FAM117B: variants seen among roughly 807,000 people sequenced by gnomAD.
FAM117B encodes protein FAM117B.
In FAM117B, 22 loss-of-function variants were observed where a neutral mutation model predicts 52.8. The observed-to-expected ratio is 0.42, with a 90% confidence interval of 0.30 to 0.59. The LOEUF (loss-of-function observed/expected upper bound fraction) is 0.59, where lower values mean the gene tolerates loss of function less well. Ranked by LOEUF, FAM117B falls within the 20% of genes least tolerant of loss-of-function variation. FAM117B has a pLI of 0.22. For synonymous variants in FAM117B, 309 were observed against 324.1 expected (o/e 0.95, Z 0.50); for missense variants, 678 against 802.6 (o/e 0.84, Z 1.88).
intron 1 of FAM117B, among the ~76,000 whole-genome samples, chr2:202,673,172 A>G (rs1044384081): frequency 1.1e-4 from 16 of 152,172 alleles, no homozygotes; most frequent in Non-Finnish European, 1.8e-4. Flanking sequence ...TTTTGGTTGC[A>G]AGTGAGTCTG....
chr2:202,756,828 A>G (rs1691807450), intron 5 of FAM117B, among the ~76,000 whole-genome samples: 1 of 152,174 alleles, frequency 6.6e-6, no homozygotes, highest in South Asian at 2.1e-4. Flanking sequence ...GCGTGGCATC[A>G]GTGTTCCTGG....
At chr2:202,690,328 T>G (rs1302989786) in intron 1 of FAM117B, among the ~76,000 whole-genome samples, 1 of 152,246 alleles carries the variant, frequency 6.6e-6, no homozygotes. Context: ...CATTCTTTTC[T>G]CTGCATCTCA....
chr2:202,757,129 AT>A (rs1691811257), intron 5 of FAM117B, 83 bp from the exon 6 acceptor site: 2 of 1,321,158 alleles, frequency 1.5e-6, no homozygotes, highest in Non-Finnish European at 2.1e-6. Flanking sequence ...CTCTGGCACT[AT>A]ATGGGAAGGT....
intron 5 of FAM117B, among the ~76,000 whole-genome samples, chr2:202,756,645 CCT>C (rs1691804320): frequency 1.3e-5 from 2 of 152,062 alleles, no homozygotes; most frequent in East Asian, 1.9e-4. Flanking sequence ...GTACAGATTC[CCT>C]GATGTAATAA....
chr2:202,655,813 A>G (rs1690048196), intron 1 of FAM117B, among the ~76,000 whole-genome samples: 2 of 150,534 alleles, frequency 1.3e-5, no homozygotes, highest in Non-Finnish European at 3.0e-5. Context: ...TGGTAATGAG[A>G]AGGGGAGAAA....
chr2:202,709,905 C>T (rs1690932537), intron 2 of FAM117B, among the ~76,000 whole-genome samples: 1 of 152,132 alleles, frequency 6.6e-6, no homozygotes, highest in Non-Finnish European at 1.5e-5. Context: ...TGTCCTTCCC[C>T]CATTGGCACC....
rs114884665 is a variant in FAM117B, at chr2:202,671,362, C to T, written c.602-24519C>T. On this transcript the variant is annotated intron_variant, in intron 1 of 7. Coordinates refer to ENST00000392238, the MANE Select transcript of FAM117B (RefSeq NM_173511.4). ...CTGGTCATCAGTCTCGCTGAACTCC[C>T]TCTGCTAGATTACATAGAGAATATG... is the stretch of plus-strand genomic sequence containing the variant. 8.5e-3 allele frequency among the ~76,000 whole-genome samples: 1,300 copies of T among 152,310 alleles called. 25 individuals are homozygous for T. The highest frequency in any genetic ancestry group is 0.03 in the African/African-American group (1,228 of 41,574).
chr2:202,661,786 C>T (rs548580492), intron 1 of FAM117B, among the ~76,000 whole-genome samples: 2 of 151,952 alleles, frequency 1.3e-5, no homozygotes, highest in Non-Finnish European at 2.9e-5. Context: ...CATGGTGGCG[C>T]GTGCCTGTAA....
chr2:202,717,098 G>C (rs1691069565), intron 2 of FAM117B, among the ~76,000 whole-genome samples: 1 of 152,132 alleles, frequency 6.6e-6, no homozygotes, highest in Non-Finnish European at 1.5e-5. Flanking sequence ...TGAAGAGTTA[G>C]GTATTTATTG....
At chr2:202,722,721 T>G (rs1041768769) in intron 2 of FAM117B, among the ~76,000 whole-genome samples, 4 of 151,830 alleles carry the variant, frequency 2.6e-5, no homozygotes, top group Non-Finnish European at 5.9e-5. Context: ...AGCTAATGAG[T>G]ACTAGGCTTA....
intron 2 of FAM117B, among the ~76,000 whole-genome samples, chr2:202,702,472 C>A (rs952520977): frequency 1.7e-4 from 26 of 152,300 alleles, no homozygotes; most frequent in African/African-American, 6.0e-4. Context: ...GCAGCCATCA[C>A]CCTGATCAGT....
intron 1 of FAM117B, among the ~76,000 whole-genome samples, chr2:202,637,347 T>C (rs891705000): frequency 1.3e-5 from 2 of 151,768 alleles, no homozygotes; most frequent in Non-Finnish European, 2.9e-5. Flanking sequence ...AACCATGGTC[T>C]CCTGGGTTCA....
chr2:202,726,655 A>C (rs1054483017), intron 4 of FAM117B, among the ~76,000 whole-genome samples: 1 of 152,074 alleles, frequency 6.6e-6, no homozygotes, highest in Non-Finnish European at 1.5e-5. Context: ...TGACACAGAG[A>C]ATTAAGCATT....
At chr2:202,719,840 G>T (rs1342922900) in intron 2 of FAM117B, among the ~76,000 whole-genome samples, 1 of 152,088 alleles carries the variant, frequency 6.6e-6, no homozygotes, top group Non-Finnish European at 1.5e-5. Context: ...AGTCTTTCAT[G>T]ACATTAATGT....
At chr2:202,666,936 C>T (rs1690214646) in intron 1 of FAM117B, among the ~76,000 whole-genome samples, 1 of 151,818 alleles carries the variant, frequency 6.6e-6, no homozygotes, top group Non-Finnish European at 1.5e-5. Flanking sequence ...TGAGCCACCA[C>T]GCCCGGCCAG....
rs755440165 is a variant in FAM117B, at chr2:202,765,671, A to AGAGCAAGACCGAGTCTCTCGAG, written c.1680_1701dup (p.Thr568AlafsTer25). On this transcript the variant is annotated frameshift_variant, in exon 8 of 8. Transcript: ENST00000392238. LOFTEE classifies it high-confidence loss of function. ...CTGTGGCCTCCCTGTCTACAAACACAGAGCAAGACCGAGTCTCTCGAGGAA... is the reference window on the plus strand; with the variant it reads ...CTGTGGCCTCCCTGTCTACAAACACAGAGCAAGACCGAGTCTCTCGAGGAGCAAGACCGAGTCTCTCGAGGAA... The AGAGCAAGACCGAGTCTCTCGAG allele has an allele frequency of 1.2e-6, 2 of 1,614,156 alleles. No individual in the cohort carries two copies. The highest frequency in any genetic ancestry group is 1.7e-6 in the Non-Finnish European group (2 of 1,180,030).
intron 7 of FAM117B, among the ~76,000 whole-genome samples, chr2:202,762,168 C>T (rs1691900084): frequency 6.6e-6 from 1 of 152,254 alleles, no homozygotes; most frequent in Admixed American, 6.5e-5. Context: ...TAGCTTTAGC[C>T]ATTCTTTTAA....
chr2:202,677,327 A>G (rs764852833), intron 1 of FAM117B, among the ~76,000 whole-genome samples: 1 of 152,086 alleles, frequency 6.6e-6, no homozygotes. Flanking sequence ...CGGCCTCCCA[A>G]AGTGCTGGGA....
intron 1 of FAM117B, among the ~76,000 whole-genome samples, chr2:202,645,739 G>C (rs1689852445): frequency 6.6e-6 from 1 of 151,794 alleles, no homozygotes; most frequent in African/African-American, 2.4e-5. Flanking sequence ...GAGTAGCTGG[G>C]ACTGTAGGCG....
Sources: gnomAD v4.1 joint callset for allele counts (sites outside exome capture counted in the v4.1 genomes callset) on GRCh38, gnomAD v4.1.1 for gene constraint, MANE v1.5 for transcripts, NCBI Gene and HGNC (gene_info 2026-07-23, HGNC 2026-07-21) for gene names.